The following VPS13B variants were observed in gnomAD, a reference collection of about 807,000 sequenced individuals.
The protein encoded by VPS13B is vacuolar protein sorting 13 homolog B.
VPS13B carries 285 observed loss-of-function variants against 426.4 expected under a neutral mutation model. The observed-to-expected ratio is 0.67, with a 90% CI of 0.61 to 0.74. VPS13B has a LOEUF of 0.74. Ranked by LOEUF, VPS13B falls within the 30% of genes least tolerant of loss-of-function variation. The pLI is 0.00. For missense variants in VPS13B, 4,537 were observed against 4,782.6 expected (o/e 0.95, Z 1.51); for synonymous variants, 1,676 against 1,676.4 (o/e 1.00, Z 0.01).
chr8:99,745,342 A>T (rs974544033), intron 39 of VPS13B, among the ~76,000 whole-genome samples: 112 of 152,144 alleles, frequency 7.4e-4, no homozygotes, highest in African/African-American at 2.6e-3. Flanking sequence ...CCCTAAAAAA[A>T]TTTTTCTATT....
intron 35 of VPS13B, among the ~76,000 whole-genome samples, chr8:99,673,001 G>A (rs1830780830): frequency 6.6e-6 from 1 of 151,940 alleles, no homozygotes; most frequent in African/African-American, 2.4e-5. Flanking sequence ...ATCACGAGTA[G>A]ATTTTTAATG....
At chr8:99,360,275 CTTCCTTCT>C (rs1812488080) in intron 19 of VPS13B, among the ~76,000 whole-genome samples, 9 of 116,494 alleles carry the variant, frequency 7.7e-5, no homozygotes, top group Admixed American at 3.6e-4. Context: ...TCCTTCCTTC[CTTCCTTCT>C]TTCTTTTTTT....
chr8:99,148,625 A>G (rs111235393), intron 14 of VPS13B, among the ~76,000 whole-genome samples: 1 of 152,198 alleles, frequency 6.6e-6, no homozygotes, highest in East Asian at 1.9e-4. Context: ...TCTCTTCTCA[A>G]AAAGAAAACA....
At chr8:99,846,018 G>A (rs1023408244) in intron 54 of VPS13B, among the ~76,000 whole-genome samples, 3 of 152,226 alleles carry the variant, frequency 2.0e-5, no homozygotes, top group African/African-American at 7.2e-5. Flanking sequence ...AACTGCAGGG[G>A]TGGCGGGGAG....
At chr8:99,229,652 T>TA (rs1246828357) in intron 17 of VPS13B, among the ~76,000 whole-genome samples, 1 of 152,160 alleles carries the variant, frequency 6.6e-6, no homozygotes, top group Non-Finnish European at 1.5e-5. Flanking sequence ...AAAGGACCGT[T>TA]ACGGGCAAAA....
chr8:99,607,488 C>G (rs1827647288), intron 33 of VPS13B, among the ~76,000 whole-genome samples: 1 of 152,260 alleles, frequency 6.6e-6, no homozygotes, highest in Admixed American at 6.5e-5. Context: ...TCCCTCACTC[C>G]CATTACCCTA....
chr8:99,252,406 C>T (rs895773751), intron 17 of VPS13B, among the ~76,000 whole-genome samples: 8 of 151,936 alleles, frequency 5.3e-5, no homozygotes, highest in African/African-American at 1.9e-4. Context: ...CTAATGTGGT[C>T]TGAGAACAAA....
chr8:99,250,821 G>A (rs1021223483), intron 17 of VPS13B, among the ~76,000 whole-genome samples: 19 of 150,966 alleles, frequency 1.3e-4, no homozygotes, highest in African/African-American at 4.4e-4. Flanking sequence ...AGAGTAGCTG[G>A]GACTACATAA....
intron 3 of VPS13B, among the ~76,000 whole-genome samples, chr8:99,049,775 A>G (rs1230735942): frequency 2.0e-5 from 3 of 151,914 alleles, no homozygotes. Context: ...TCCAACTTTT[A>G]GATTTCTCTT....
At chr8:99,591,109 T>C (rs1826641191) in intron 33 of VPS13B, among the ~76,000 whole-genome samples, 1 of 152,040 alleles carries the variant, frequency 6.6e-6, no homozygotes, top group Admixed American at 6.6e-5. Flanking sequence ...TTTGTCTCTT[T>C]TGATCTTTGT....
intron 51 of VPS13B, among the ~76,000 whole-genome samples, chr8:99,827,356 T>A: frequency 6.6e-6 from 1 of 152,248 alleles, no homozygotes; most frequent in Non-Finnish European, 1.5e-5. Context: ...TTTATTCGCA[T>A]AGAGGTGTTT....
rs369706839 is a variant in VPS13B at position 99,501,947 on chromosome 8, T to TTCTG, written c.4042+113_4042+116dup. 0.015 allele frequency: 18,923 copies of TTCTG among 1,289,062 alleles called. 469 individuals are homozygous for TTCTG. The highest frequency in any genetic ancestry group is 0.086 in the African/African-American group (5,121 of 59,490). 79.9% of individuals were successfully genotyped at this position (1,289,062 alleles called of 1,614,324 possible). On this transcript the variant is annotated intron_variant, in intron 26 of 61. Transcript: ENST00000357162. Reference sequence around the variant, plus strand: ...CCCTCCCTTCCTTCCTTCCTTTCTTTTCTGTCTGTCTGTCTGTCTGTCTGT... The same window carrying TTCTG: ...CCCTCCCTTCCTTCCTTCCTTTCTTTTCTGTCTGTCTGTCTGTCTGTCTGTCTGT...
chr8:99,265,402 C>G (rs1012801900), intron 17 of VPS13B, among the ~76,000 whole-genome samples: 4 of 152,134 alleles, frequency 2.6e-5, no homozygotes, highest in South Asian at 4.1e-4. Flanking sequence ...AGAAAGCCGT[C>G]CATTTCCTTC....
chr8:99,338,632 T>C (rs1811062539), intron 19 of VPS13B, among the ~76,000 whole-genome samples: 1 of 152,182 alleles, frequency 6.6e-6, no homozygotes, highest in Admixed American at 6.5e-5. Flanking sequence ...TTCAATGTTA[T>C]AGTTAATGAA....
At chr8:99,740,947 T>A (rs1176242435) in intron 39 of VPS13B, among the ~76,000 whole-genome samples, 2 of 152,078 alleles carry the variant, frequency 1.3e-5, no homozygotes, top group Admixed American at 1.3e-4. Flanking sequence ...AACATCATAA[T>A]GACAGGATCA....
chr8:99,144,488 CAAAAAA>C (rs34556724), intron 13 of VPS13B, among the ~76,000 whole-genome samples: 2 of 92,022 alleles, frequency 2.2e-5, no homozygotes, highest in Non-Finnish European at 4.5e-5. Flanking sequence ...GACCCTGTTT[CAAAAAA>C]AAAAAAAAAA....
intron 23 of VPS13B, among the ~76,000 whole-genome samples, chr8:99,466,167 T>G (rs1448900437): frequency 6.6e-6 from 1 of 152,080 alleles, no homozygotes; most frequent in Non-Finnish European, 1.5e-5. Context: ...CCATCACCCA[T>G]AGGGGAAAAA....
chr8:99,250,382 TTTC>T (rs1239285675), intron 17 of VPS13B, among the ~76,000 whole-genome samples: 2 of 152,164 alleles, frequency 1.3e-5, no homozygotes, highest in African/African-American at 4.8e-5. Flanking sequence ...GGCCAATTTT[TTTC>T]TTCTTATGGA....
intron 51 of VPS13B, among the ~76,000 whole-genome samples, chr8:99,829,679 T>TG (rs1814933308): frequency 6.6e-6 from 1 of 152,238 alleles, no homozygotes; most frequent in African/African-American, 2.4e-5. Context: ...AGAGGCATTC[T>TG]GGTTTTTGGA....
Sources: gnomAD v4.1 joint callset for allele counts (sites outside exome capture counted in the v4.1 genomes callset) on GRCh38, gnomAD v4.1.1 for gene constraint, MANE v1.5 for transcripts, NCBI Gene and HGNC (gene_info 2026-07-23, HGNC 2026-07-21) for gene names.